The following BOLL variants were observed in gnomAD, a reference collection of about 807,000 sequenced individuals.
BOLL encodes boule RNA binding protein, also known as protein boule-like.
A neutral mutation model predicts 44.4 loss-of-function variants in BOLL; 23 were observed. The observed-to-expected ratio is 0.52, with a 90% CI of 0.37 to 0.73. BOLL has a LOEUF of 0.73. Among genes scored for constraint, BOLL ranks in the 30% least tolerant of loss-of-function variants. BOLL has a pLI of 0.00. For synonymous variants in BOLL, 97 were observed against 110.8 expected (o/e 0.88, Z 0.78); for missense variants, 287 against 338.3 (o/e 0.85, Z 1.19).
At chr2:197,741,506 C>T (rs777610579) in intron 10 of BOLL, among the ~76,000 whole-genome samples, 11 of 152,144 alleles carry the variant, frequency 7.2e-5, no homozygotes, top group African/African-American at 2.6e-4. Context: ...GAAATAATGC[C>T]GCATATCTAC....
intron 10 of BOLL, among the ~76,000 whole-genome samples, chr2:197,733,818 G>A (rs1687335040): frequency 6.6e-6 from 1 of 152,072 alleles, no homozygotes; most frequent in African/African-American, 2.4e-5. Flanking sequence ...AATTCAAGAT[G>A]GATTAAAGAC....
chr2:197,751,167 T>C (rs1220612424), intron 9 of BOLL, among the ~76,000 whole-genome samples: 1 of 152,168 alleles, frequency 6.6e-6, no homozygotes, highest in East Asian at 1.9e-4. Flanking sequence ...GAGAAATTTA[T>C]AGCACTAAAT....
chr2:197,737,498 T>C (rs906100841), intron 10 of BOLL, among the ~76,000 whole-genome samples: 6 of 152,094 alleles, frequency 3.9e-5, no homozygotes, highest in Non-Finnish European at 7.4e-5. Context: ...AGGCTGTCTA[T>C]TGTTTGACTA....
chr2:197,748,840 C>A (rs1046539473), intron 9 of BOLL, among the ~76,000 whole-genome samples: 1 of 152,258 alleles, frequency 6.6e-6, no homozygotes, highest in Non-Finnish European at 1.5e-5. Context: ...TGCCTGCCGG[C>A]TCTGAAGAGA....
chr2:197,744,070 A>G (rs1687884342), intron 9 of BOLL, among the ~76,000 whole-genome samples: 1 of 152,328 alleles, frequency 6.6e-6, no homozygotes, highest in East Asian at 1.9e-4. Context: ...CGGCCTCCCA[A>G]AATGCTGGGA....
At chr2:197,782,709 T>A (rs770857907) in intron 1 of BOLL, among the ~76,000 whole-genome samples, 26 of 152,332 alleles carry the variant, frequency 1.7e-4, no homozygotes, top group Non-Finnish European at 3.5e-4. Flanking sequence ...ACGCATGTGT[T>A]CCTGGTGGTC....
chr2:197,750,644 A>C (rs138773249), intron 9 of BOLL, among the ~76,000 whole-genome samples: 2 of 152,354 alleles, frequency 1.3e-5, no homozygotes, highest in East Asian at 3.9e-4. Flanking sequence ...CAGATTCACA[A>C]AGCAGGTTCT....
At chr2:197,763,034 A>C (rs906869161) in intron 7 of BOLL, among the ~76,000 whole-genome samples, 2 of 152,208 alleles carry the variant, frequency 1.3e-5, no homozygotes, top group African/African-American at 4.8e-5. Flanking sequence ...GCAATGAAAA[A>C]GACACCACAA....
intron 3 of BOLL, among the ~76,000 whole-genome samples, chr2:197,777,543 A>G (rs1237223512): frequency 6.6e-6 from 1 of 151,914 alleles, no homozygotes; most frequent in East Asian, 1.9e-4. Context: ...GTGAATGACA[A>G]TGTAAATGTA....
intron 6 of BOLL, 112 bp downstream of exon 6, chr2:197,771,729 TATTTAATTTGGTTG>T: frequency 8.9e-7 from 1 of 1,123,888 alleles, no homozygotes; most frequent in Non-Finnish European, 1.2e-6. Flanking sequence ...TGTTGATGTC[TATTTAATTTGGTTG>T]ATGTGTGTTA....
chr2:197,755,219 G>A (rs112524528), intron 9 of BOLL, among the ~76,000 whole-genome samples: 7 of 152,270 alleles, frequency 4.6e-5, no homozygotes, highest in African/African-American at 1.7e-4. Flanking sequence ...TCAGAATGGC[G>A]ATTATTAAAA....
chr2:197,771,157 A>AC lies in BOLL; in HGVS notation c.480+697dup, dbSNP rs935404908. Among the ~76,000 whole-genome samples the AC allele has an allele frequency of 9.8e-5, 15 of 152,294 alleles. No homozygotes were observed. The East Asian group carries it at 1.5e-3, about 16-fold the overall frequency. ...ATGTGGCACATATACACAATGGAAT[A>AC]CTATGCAGCCATAAAAAGGATGAGT... On this transcript the variant is annotated intron_variant, in intron 6 of 10. Transcript: ENST00000392296.
At chr2:197,758,648 A>G (rs1179354898) in intron 7 of BOLL, among the ~76,000 whole-genome samples, 1 of 152,184 alleles carries the variant, frequency 6.6e-6, no homozygotes, top group African/African-American at 2.4e-5. Flanking sequence ...TGCAAGCCAT[A>G]GTTTGATGAC....
chr2:197,728,969 G>A (rs2106302609), intron 10 of BOLL, among the ~76,000 whole-genome samples: 1 of 152,294 alleles, frequency 6.6e-6, no homozygotes, highest in African/African-American at 2.4e-5. Context: ...TCCAGGGGAG[G>A]AGCCAAGATG....
chr2:197,746,659 T>G (rs1687996009), intron 9 of BOLL, among the ~76,000 whole-genome samples: 1 of 152,078 alleles, frequency 6.6e-6, no homozygotes, highest in African/African-American at 2.4e-5. Context: ...CCCAGCACTT[T>G]TGGAGGCCGA....
At chr2:197,776,158 A>C (rs1689500615) in intron 4 of BOLL, among the ~76,000 whole-genome samples, 1 of 151,850 alleles carries the variant, frequency 6.6e-6, no homozygotes, top group Non-Finnish European at 1.5e-5. Context: ...TCATACTCTA[A>C]GAGAGAGCTT....
At chr2:197,729,605 G>T (rs2106304464) in intron 10 of BOLL, among the ~76,000 whole-genome samples, 1 of 152,334 alleles carries the variant, frequency 6.6e-6, no homozygotes, top group East Asian at 1.9e-4. Flanking sequence ...CCAGCATGCA[G>T]CTGGAGATCT....
At chr2:197,748,694 C>T (rs1688098309) in intron 9 of BOLL, among the ~76,000 whole-genome samples, 1 of 152,244 alleles carries the variant, frequency 6.6e-6, no homozygotes, top group African/African-American at 2.4e-5. Context: ...GATTCCTCCT[C>T]TCTGGGCAGG....
intron 4 of BOLL, among the ~76,000 whole-genome samples, chr2:197,776,010 A>C (rs1476486813): frequency 6.6e-6 from 1 of 151,900 alleles, no homozygotes; most frequent in Admixed American, 6.6e-5. Context: ...ATTTACTTGT[A>C]ATCCTAAAAT....
Sources: allele counts gnomAD v4.1 joint callset (sites outside exome capture counted in the v4.1 genomes callset), GRCh38; gene constraint gnomAD v4.1.1; transcripts MANE v1.5; gene names NCBI Gene and HGNC (gene_info 2026-07-23, HGNC 2026-07-21).